The following CAMTA1 variants were observed in gnomAD, a reference collection of about 807,000 sequenced individuals.
CAMTA1 encodes the protein calmodulin binding transcription activator 1, also known as calmodulin-binding transcription activator 1.
In CAMTA1, 27 loss-of-function variants were observed where a neutral mutation model predicts 170.9. That is an observed-to-expected ratio of 0.16 (90% CI 0.12 to 0.22). The LOEUF is 0.22. Among genes scored for constraint, CAMTA1 ranks in the 10% least tolerant of loss-of-function variants. The pLI is 1.00. For missense variants in CAMTA1, 1,619 were observed against 2,217.2 expected (o/e 0.73, Z 5.42); for synonymous variants, 833 against 891.5 (o/e 0.93, Z 1.17).
chr1:7,021,447 C>G (rs757597625), intron 3 of CAMTA1, among the ~76,000 whole-genome samples: 1 of 152,226 alleles, frequency 6.6e-6, no homozygotes. Context: ...TTCTGATTTT[C>G]CCTCTGTCTC....
intron 5 of CAMTA1, among the ~76,000 whole-genome samples, chr1:7,400,577 G>A (rs2089818041): frequency 6.6e-6 from 1 of 151,890 alleles, no homozygotes; most frequent in South Asian, 2.1e-4. Context: ...TTCCTGCATA[G>A]ATAGCTGTAC....
At chr1:7,174,180 G>A (rs1019609609) in intron 4 of CAMTA1, among the ~76,000 whole-genome samples, 51 of 152,238 alleles carry the variant, frequency 3.4e-4, no homozygotes, top group Admixed American at 3.1e-3. Context: ...CTGTCAGGCC[G>A]GGAAAATGGT....
intron 6 of CAMTA1, among the ~76,000 whole-genome samples, chr1:7,486,359 C>T (rs979078449): frequency 1.3e-5 from 2 of 152,208 alleles, no homozygotes; most frequent in African/African-American, 4.8e-5. Context: ...ATGTACCAGG[C>T]TGCTTTCATG....
intron 6 of CAMTA1, among the ~76,000 whole-genome samples, chr1:7,611,742 G>A (rs1392366454): frequency 6.6e-6 from 1 of 152,250 alleles, no homozygotes; most frequent in African/African-American, 2.4e-5. Flanking sequence ...CCAGGGTAAG[G>A]TGGGGGCAGC....
At chr1:6,822,794 C>CCACACACACACACAAA (rs1194529509) in intron 2 of CAMTA1, among the ~76,000 whole-genome samples, 1 of 146,486 alleles carries the variant, frequency 6.8e-6, no homozygotes, top group African/African-American at 2.5e-5. Context: ...TACATAAATA[C>CCACACACACACACAAA]CACACACACA....
At chr1:7,602,942 A>G (rs1380195275) in intron 6 of CAMTA1, among the ~76,000 whole-genome samples, 2 of 152,168 alleles carry the variant, frequency 1.3e-5, no homozygotes, top group Non-Finnish European at 2.9e-5. Flanking sequence ...CAGGTTGTTC[A>G]GTTTCCATGT....
chr1:7,016,072 C>T (rs1169934257), intron 3 of CAMTA1, among the ~76,000 whole-genome samples: 1 of 152,200 alleles, frequency 6.6e-6, no homozygotes, highest in Non-Finnish European at 1.5e-5. Context: ...TTGGGTGGGA[C>T]ACAGAGCCAA....
chr1:6,813,582 A>G (rs1325336995), intron 1 of CAMTA1, among the ~76,000 whole-genome samples: 1 of 152,038 alleles, frequency 6.6e-6, no homozygotes, highest in East Asian at 1.9e-4. Context: ...AATATCTGCA[A>G]CATTGCTGGA....
chr1:7,651,019 C>T (rs1311140949), intron 7 of CAMTA1, among the ~76,000 whole-genome samples: 4 of 152,200 alleles, frequency 2.6e-5, no homozygotes, highest in Admixed American at 6.5e-5. Flanking sequence ...AGGAGAGGCA[C>T]GTGGCCGCTC....
chr1:6,798,730 G>A (rs1387679985), intron 1 of CAMTA1, among the ~76,000 whole-genome samples: 1 of 141,168 alleles, frequency 7.1e-6, no homozygotes, highest in African/African-American at 2.7e-5. Flanking sequence ...CCGAGTAGCT[G>A]GGACTACAGG....
intron 5 of CAMTA1, among the ~76,000 whole-genome samples, chr1:7,453,442 A>G (rs1206771605): frequency 6.6e-6 from 1 of 152,248 alleles, no homozygotes; most frequent in Non-Finnish European, 1.5e-5. Flanking sequence ...CTAATCAGGA[A>G]GGAAATTCCT....
chr1:7,241,049 A>G (rs988941669), intron 4 of CAMTA1, among the ~76,000 whole-genome samples: 8 of 152,218 alleles, frequency 5.3e-5, no homozygotes, highest in African/African-American at 1.9e-4. Context: ...TATCCTAAAG[A>G]ATCTACAAAA....
At chr1:6,872,100 C>A in intron 3 of CAMTA1, 1 of 526,018 alleles carries the variant, frequency 1.9e-6, no homozygotes, top group Non-Finnish European at 2.6e-6. Flanking sequence ...CTTTTTTATT[C>A]ATGTTTTGCA....
rs1490847734 is a variant in CAMTA1, at chr1:7,100,330, T to C, written c.302+8959T>C. Among the ~76,000 whole-genome samples the C allele has an allele frequency of 2.0e-5, 3 of 152,324 alleles. No homozygotes were observed. The South Asian group carries it at 6.2e-4, about 32-fold the overall frequency. On this transcript the variant is annotated intron_variant, in intron 4 of 22. Coordinates refer to ENST00000303635, the MANE Select transcript of CAMTA1 (RefSeq NM_015215.4). ...TTTATATTAGTTTTCATTCCTTTAC[T>C]GTCACTGGTGAAGATGAGCGATGCT...
chr1:6,835,300 A>C (rs1020599598), intron 3 of CAMTA1, among the ~76,000 whole-genome samples: 3 of 152,108 alleles, frequency 2.0e-5, no homozygotes, highest in African/African-American at 7.2e-5. Flanking sequence ...TGCACTCGAG[A>C]CTCTGTACTG....
At chr1:7,646,475 G>T (rs1369928739) in intron 7 of CAMTA1, among the ~76,000 whole-genome samples, 1 of 148,562 alleles carries the variant, frequency 6.7e-6, no homozygotes, top group Non-Finnish European at 1.5e-5. Flanking sequence ...GTGACTGAGG[G>T]TGGAGGCCAT....
At chr1:7,207,225 C>A (rs1204055453) in intron 4 of CAMTA1, among the ~76,000 whole-genome samples, 1 of 152,140 alleles carries the variant, frequency 6.6e-6, no homozygotes, top group South Asian at 2.1e-4. Context: ...ATGAATAAGA[C>A]CCAGTTCCCC....
At chr1:6,797,297 G>A (rs1002584388) in intron 1 of CAMTA1, among the ~76,000 whole-genome samples, 2 of 152,006 alleles carry the variant, frequency 1.3e-5, no homozygotes, top group African/African-American at 4.8e-5. Flanking sequence ...CAGGGCTCAA[G>A]TGATCCTCCT....
chr1:7,220,565 G>C (rs1660569075), intron 4 of CAMTA1, among the ~76,000 whole-genome samples: 1 of 152,030 alleles, frequency 6.6e-6, no homozygotes, highest in African/African-American at 2.4e-5. Flanking sequence ...TGTTCCCACA[G>C]TGCCACCCTG....
Sources: gnomAD v4.1 joint callset for allele counts (sites outside exome capture counted in the v4.1 genomes callset) on GRCh38, gnomAD v4.1.1 for gene constraint, MANE v1.5 for transcripts, NCBI Gene and HGNC (gene_info 2026-07-23, HGNC 2026-07-21) for gene names.